The following GLUD1 variants were observed in gnomAD, a reference collection of about 807,000 sequenced individuals.
The protein encoded by GLUD1 is glutamate dehydrogenase 1.
Under a neutral mutation model 56.0 loss-of-function variants are expected in GLUD1, and 22 were observed. The ratio of observed to expected loss-of-function variants is 0.39; its 90% CI spans 0.28 to 0.56. GLUD1 has a LOEUF of 0.56. Among genes scored for constraint, GLUD1 ranks in the 20% least tolerant of loss-of-function variants. The pLI, the probability that GLUD1 is intolerant of heterozygous loss-of-function variation, is 0.58. For synonymous variants in GLUD1, 223 were observed against 269.9 expected (o/e 0.83, Z 1.70); for missense variants, 451 against 732.0 (o/e 0.62, Z 4.43).
chr10:87,052,323 T>C (rs1845654083), intron 12 of GLUD1, among the ~76,000 whole-genome samples: 1 of 151,846 alleles, frequency 6.6e-6, no homozygotes, highest in Non-Finnish European at 1.5e-5. Flanking sequence ...CCCATCTCTA[T>C]TAAAAATACA....
rs1841686005 is a variant in GLUD1, at chr10:87,094,771, G to A, written c.-2C>T. The A allele has an allele frequency of 6.5e-7, 1 of 1,535,400 alleles. No homozygotes were observed. The highest frequency in any genetic ancestry group is 8.8e-7 in the Non-Finnish European group (1 of 1,138,192). On this transcript the variant is annotated 5_prime_UTR_variant, in exon 1 of 13. Transcript: ENST00000277865. The surrounding 1 kb of genome is among the most constrained non-coding windows in gnomAD (Gnocchi z 6.6). ...CGCTTCGCCCAGGTAGCGGTACATGGCCACAAGCGGAGGGGAGGTGCGTGA... is the reference window on the plus strand; with the variant it reads ...CGCTTCGCCCAGGTAGCGGTACATGACCACAAGCGGAGGGGAGGTGCGTGA...
chr10:87,076,773 A>G, intron 1 of GLUD1, 117 bp from the exon 2 acceptor site: 1 of 740,346 alleles, frequency 1.4e-6, no homozygotes, highest in Non-Finnish European at 2.5e-6. Context: ...TCCACTTTTT[A>G]CATTTTACAT....
At chr10:87,087,991 A>G (rs1841423716) in intron 1 of GLUD1, among the ~76,000 whole-genome samples, 1 of 152,118 alleles carries the variant, frequency 6.6e-6, no homozygotes, top group South Asian at 2.1e-4. Flanking sequence ...TGAGGCAGGA[A>G]AATTGCTTGA....
Position 87,060,920 on chromosome 10 carries a change from T to C in GLUD1, c.1054A>G (p.Lys352Glu). The change falls in exon 7 of 13, where the codon AAA becomes GAA. Residue 352 changes from lysine to glutamate, a missense_variant. Lys to Glu is a moderately conservative substitution (Grantham distance 56). This residue lies in a region of GLUD1 where 248 missense variants were observed against 460.0 expected (regional missense o/e 0.54). Coordinates refer to ENST00000277865, the MANE Select transcript of GLUD1 (RefSeq NM_005271.5). ...CTATAAAAATGTATTAATACCAATT[T>C]GAAGTCTTCCAGTTCCTTTGGGTCA... is the stretch of plus-strand genomic sequence containing the variant. ...GIDPKELEDF[K>E]LQHGSILGFP... 1 of 1,614,138 alleles carries C rather than the reference T, an allele frequency of 6.2e-7. No homozygotes were observed. Among genetic ancestry groups the C allele is most frequent in the Non-Finnish European group, 8.5e-7 (1 of 1,179,964 alleles).
intron 1 of GLUD1, among the ~76,000 whole-genome samples, chr10:87,080,752 G>A (rs1271404396): frequency 1.3e-5 from 2 of 150,292 alleles, no homozygotes; most frequent in South Asian, 2.1e-4. Flanking sequence ...CAGCCGCCCC[G>A]TCTGAGGAGT....
intron 5 of GLUD1, among the ~76,000 whole-genome samples, chr10:87,063,694 A>G (rs1845995592): frequency 6.7e-6 from 1 of 150,226 alleles, no homozygotes; most frequent in Admixed American, 6.6e-5. Context: ...TTAATATAAC[A>G]TGACATTCAA....
chr10:87,070,347 TC>T (rs1313928786), intron 4 of GLUD1, among the ~76,000 whole-genome samples: 2 of 152,176 alleles, frequency 1.3e-5, no homozygotes, highest in Non-Finnish European at 2.9e-5. Context: ...ACGCCTGTAA[TC>T]CCAGCACTTT....
In GLUD1 at chr10:87,063,057, G is replaced by GT. The variant is rs757864860; in HGVS notation, c.742-223dup. ...TACAATAAAATATACTATATTTTCT[G>GT]TTTTTTTTTTTGTTTGTTTGTTTGT... is the stretch of plus-strand genomic sequence containing the variant. On this transcript the variant is annotated intron_variant, in intron 5 of 12. Transcript: ENST00000277865. Among the ~76,000 whole-genome samples, 288 of 144,228 alleles carry GT rather than the reference G, an allele frequency of 2.0e-3. 2 individuals carry two copies. The highest frequency in any genetic ancestry group is 2.6e-3 in the African/African-American group (101 of 39,140). The allele number at this position is 144,228 out of a possible 152,430, so 94.6% of individuals were successfully genotyped here. A position where few individuals can be genotyped will look rare whatever the true frequency, so the allele number is the denominator to read the frequency against.
chr10:87,062,044 A>C (rs1845951859), intron 6 of GLUD1, among the ~76,000 whole-genome samples: 1 of 152,164 alleles, frequency 6.6e-6, no homozygotes, highest in Non-Finnish European at 1.5e-5. Flanking sequence ...GGCCTCCCAA[A>C]GTGATGGGAT....
chr10:87,070,481 C>G (rs866437025), intron 4 of GLUD1, among the ~76,000 whole-genome samples: 1 of 152,112 alleles, frequency 6.6e-6, no homozygotes, highest in Non-Finnish European at 1.5e-5. Context: ...TGCCCATAGT[C>G]CCAGCTACTC....
chr10:87,068,730 A>G (rs1013137866), intron 4 of GLUD1, among the ~76,000 whole-genome samples: 8 of 152,134 alleles, frequency 5.3e-5, no homozygotes, highest in African/African-American at 1.9e-4. Context: ...CATTCAGCAC[A>G]TATAAGGTTT....
At chr10:87,080,148 C>T (rs933130657) in intron 1 of GLUD1, among the ~76,000 whole-genome samples, 3 of 151,938 alleles carry the variant, frequency 2.0e-5, no homozygotes, top group East Asian at 1.9e-4. Flanking sequence ...CTGTGTTGGC[C>T]GGGCTGGTCT....
In GLUD1 at chr10:87,076,109, G is replaced by A. The variant is rs553127406; in HGVS notation, c.527-86C>T. On this transcript the variant is annotated intron_variant, in intron 2 of 12. Transcript: ENST00000277865. The stretch of plus-strand genomic sequence containing the variant: ...AAGCACCACACAATATTAGAGAAAC[G>A]TGATGCTTTAAGCTTGAATTTCTGA... The A allele has an allele frequency of 2.2e-5, 20 of 921,950 alleles. No homozygotes were observed. In the East Asian group the frequency reaches 3.8e-4, roughly 18 times the overall value. 57.1% of individuals were successfully genotyped at this position (921,950 alleles called of 1,614,324 possible). A position where few individuals can be genotyped will look rare whatever the true frequency, so the allele number is the denominator to read the frequency against.
At chr10:87,079,477 C>T (rs769844043) in intron 1 of GLUD1, among the ~76,000 whole-genome samples, 1 of 151,928 alleles carries the variant, frequency 6.6e-6, no homozygotes, top group Non-Finnish European at 1.5e-5. Context: ...TGTTTAAACA[C>T]TAAAATGTGC....
chr10:87,053,383 C>T lies in GLUD1; in HGVS notation c.1516G>A (p.Val506Met), dbSNP rs766703133. The T allele has an allele frequency of 3.7e-6, 6 of 1,610,464 alleles. No individual in the cohort carries two copies. Among genetic ancestry groups the T allele is most frequent in the East Asian group, 2.2e-5 (1 of 44,850 alleles). ...ATTGTGTATGCCAAGCCAGAGTGCA[C>T]GATGTCTTTCTCAGATGCACCCTAT... ...RISGASEKDI[V>M]HSGLAYTMER... The change falls in exon 12 of 13, where the codon GTG becomes ATG. Residue 506 changes from valine to methionine, a missense_variant. Physicochemically the swap from Val to Met is conservative, Grantham distance 21. Coordinates refer to ENST00000277865, the MANE Select transcript of GLUD1 (RefSeq NM_005271.5).
intron 12 of GLUD1, 97 bp from the exon 13 acceptor site, chr10:87,051,967 C>T: frequency 7.1e-7 from 1 of 1,411,374 alleles, no homozygotes; most frequent in Non-Finnish European, 1.0e-6. Flanking sequence ...AAGTTACCCT[C>T]TCATTGTTTC....
intron 11 of GLUD1, 122 bp downstream of exon 11, chr10:87,057,569 C>T (rs1475510758): frequency 1.3e-5 from 10 of 752,532 alleles, no homozygotes; most frequent in Non-Finnish European, 2.5e-5. Flanking sequence ...ACACATGTCA[C>T]GCACTTACTG....
At chr10:87,073,021 T>A (rs1266819842) in intron 4 of GLUD1, among the ~76,000 whole-genome samples, 1 of 152,254 alleles carries the variant, frequency 6.6e-6, no homozygotes, top group Non-Finnish European at 1.5e-5. Flanking sequence ...CCTTTTATTA[T>A]CAAAGACAGG....
chr10:87,074,700 AG>A (rs1290853712), intron 3 of GLUD1, 86 bp from the exon 4 acceptor site: 1 of 810,490 alleles, frequency 1.2e-6, no homozygotes, highest in African/African-American at 1.7e-5. Context: ...TTCTATTTAT[AG>A]TACATTTTCA....
Sources: allele counts gnomAD v4.1 joint callset (sites outside exome capture counted in the v4.1 genomes callset), GRCh38; gene constraint gnomAD v4.1.1; regional missense constraint gnomAD v4.1.1; non-coding constraint Gnocchi (gnomAD v3.1); transcripts MANE v1.5; gene names NCBI Gene and HGNC (gene_info 2026-07-23, HGNC 2026-07-21).